Variants in UBA52 observed in about 807,000 individuals in gnomAD.
UBA52 encodes ubiquitin-ribosomal protein eL40 fusion protein.
UBA52 carries 1 observed loss-of-function variant against 15.3 expected under a neutral mutation model. The ratio of observed to expected loss-of-function variants is 0.07; its 90% CI spans 0.02 to 0.31. UBA52 has a LOEUF of 0.31. UBA52 is among the 10% of genes least tolerant of loss of function. The pLI is 1.00. For missense variants in UBA52, 87 were observed against 168.0 expected (o/e 0.52, Z 2.66); for synonymous variants, 50 against 58.3 (o/e 0.86, Z 0.65).
At chr19:18,571,639 G>A (rs1275199839), upstream of UBA52, 1 of 152,318 alleles carries the variant, frequency 6.6e-6, no homozygotes, top group African/African-American at 2.4e-5. Flanking sequence ...CGCAAACACG[G>A]GGAGAGGTGC....
chr19:18,573,614 C>T (rs1445516845), intron 2 of UBA52, 48 bp from the exon 3 acceptor site: 1 of 1,590,420 alleles, frequency 6.3e-7, no homozygotes, highest in African/African-American at 1.3e-5. Context: ...AGGACACTGC[C>T]AGTAATATGG....
upstream of UBA52, among the ~76,000 whole-genome samples, chr19:18,571,283 C>A (rs112747525): frequency 2.9e-5 from 4 of 139,686 alleles, no homozygotes; most frequent in African/African-American, 1.1e-4. Flanking sequence ...GCACTACAGC[C>A]TGGGCAACGA....
chr19:18,563,849 G>A, the UBA52 span, among the ~76,000 whole-genome samples: 9 of 151,392 alleles, frequency 5.9e-5, no homozygotes, highest in African/African-American at 2.2e-4. Context: ...ATGTTGGCCA[G>A]ACCTCAAGTG....
At chr19:18,568,675 A>G (rs762854247), upstream of UBA52, 6 of 1,473,900 alleles carry the variant, frequency 4.1e-6, no homozygotes, top group Non-Finnish European at 5.6e-6. Flanking sequence ...GCAGCAGCAT[A>G]CAAGGTGGCA....
rs1269358816 is a variant in UBA52 at position 18,575,522 on chromosome 19, G to C, written c.*372G>C. ...GAGGTGTCCCTCAGGCCTTGGCCCT[G>C]AAGTGTCTAGGTGTGTGGAGATGGG... On this transcript the variant is annotated 3_prime_UTR_variant, in exon 5 of 5. Coordinates refer to ENST00000442744, the MANE Select transcript of UBA52 (RefSeq NM_001033930.3). The C allele has an allele frequency of 3.1e-6, 1 of 325,202 alleles. No homozygotes were observed. The highest frequency in any genetic ancestry group is 4.5e-5 in the Admixed American group (1 of 22,032). 20.1% of individuals were successfully genotyped at this position (325,202 alleles called of 1,614,324 possible). A position where few individuals can be genotyped will look rare whatever the true frequency, so the allele number is the denominator to read the frequency against.
At chr19:18,565,163 A>G in the UBA52 span, 2 of 1,444,424 alleles carry the variant, frequency 1.4e-6, no homozygotes, top group Admixed American at 2.7e-5. Context: ...TGTCTGGGAC[A>G]ATTCCAACCC....
Position 18,575,245 on chromosome 19 carries a change from G to T in UBA52, c.*95G>T. On this transcript the variant is annotated 3_prime_UTR_variant, in exon 5 of 5. Transcript: ENST00000442744. ...CTTTCATTGACTGGAGCAGCAATTG[G>T]TGTCCTCATGGCTGATCTGTCCAGG... is the stretch of plus-strand genomic sequence containing the variant. The T allele has an allele frequency of 2.1e-6, 3 of 1,449,936 alleles. No individual in the cohort carries two copies. The highest frequency in any genetic ancestry group is 2.4e-5 in the South Asian group (2 of 84,094). 89.8% of individuals were successfully genotyped at this position (1,449,936 alleles called of 1,614,324 possible). A position where few individuals can be genotyped will look rare whatever the true frequency, so the allele number is the denominator to read the frequency against.
rs1975757081 is a variant in UBA52, at chr19:18,575,780, T to A, written c.*630T>A. On this transcript the variant is annotated 3_prime_UTR_variant, in exon 5 of 5. Transcript: ENST00000442744. ...TGTTTGTTTTGAGACGGAGTCTTGCTCTGTCGCCCAGGCTGGAGTGCAGTG... is the reference window on the plus strand; with the variant it reads ...TGTTTGTTTTGAGACGGAGTCTTGCACTGTCGCCCAGGCTGGAGTGCAGTG... The A allele has an allele frequency of 6.4e-6, 1 of 156,224 alleles. No homozygotes were observed. Among genetic ancestry groups the A allele is most frequent in the Admixed American group, 6.4e-5 (1 of 15,642 alleles). The allele number at this position is 156,224 out of a possible 1,614,324, so 9.7% of individuals were successfully genotyped here.
chr19:18,568,868 G>A, upstream of UBA52: 1 of 543,518 alleles, frequency 1.8e-6, no homozygotes, highest in Non-Finnish European at 3.3e-6. Context: ...CCATGCCAGG[G>A]CACGCCCATT....
chr19:18,564,289 G>A, the UBA52 span, among the ~76,000 whole-genome samples: 3 of 152,128 alleles, frequency 2.0e-5, no homozygotes, highest in Non-Finnish European at 4.4e-5. Flanking sequence ...TGGTGTCAGG[G>A]CTGGGCCAGA....
Position 18,574,923 on chromosome 19 carries a change from C to T in UBA52, c.244C>T (p.Leu82Phe). The change falls in exon 4 of 5, where the codon CTC becomes TTC. Residue 82 changes from leucine (L) to phenylalanine (F), a missense_variant. Coordinates refer to ENST00000442744, the MANE Select transcript of UBA52 (RefSeq NM_001033930.3). ...RLRGGIIEPSLRQLAQKYNCD... is the reference protein window; with the variant it reads ...RLRGGIIEPSFRQLAQKYNCD... ...GCGAGGTGGCATTATTGAGCCTTCT[C>T]TCCGCCAGCTTGCCCAGAAATACAA... The T allele has an allele frequency of 1.9e-6, 3 of 1,614,178 alleles. No homozygotes were observed. Among genetic ancestry groups the T allele is most frequent in the Non-Finnish European group, 2.5e-6 (3 of 1,180,042 alleles).
upstream of UBA52, among the ~76,000 whole-genome samples, chr19:18,567,669 C>T (rs1000954637): frequency 7.9e-5 from 12 of 152,280 alleles, no homozygotes; most frequent in African/African-American, 2.9e-4. Context: ...AGAGAGCTCG[C>T]GTGTTCTCTG....
At chr19:18,564,931 G>T in the UBA52 span, 1 of 1,613,544 alleles carries the variant, frequency 6.2e-7, no homozygotes, top group Non-Finnish European at 8.5e-7. Context: ...TCCAGTGCCC[G>T]CCTGCAGCAG....
chr19:18,569,277 G>A (rs1393140664), upstream of UBA52: 1 of 152,748 alleles, frequency 6.5e-6, no homozygotes, highest in African/African-American at 2.4e-5. Flanking sequence ...AGCAAACGGA[G>A]CCACCTCGGG....
chr19:18,568,389 C>A (rs986020428), upstream of UBA52: 1 of 1,604,716 alleles, frequency 6.2e-7, no homozygotes, highest in Non-Finnish European at 8.5e-7. Flanking sequence ...ACTCTTGGGC[C>A]TCCTTCCCCC....
In UBA52 at chr19:18,573,408, G is replaced by C. The variant is rs1975606777; in HGVS notation, c.103+5G>C. On this transcript the variant is annotated splice_donor_5th_base_variant and intron_variant, in intron 2 of 4. Coordinates refer to ENST00000442744, the MANE Select transcript of UBA52 (RefSeq NM_001033930.3). ...CCAAAATTCAAGACAAGGAGGGTGA[G>C]TAGGGCTGGGTGTGGGGGCTCTGGC... The C allele has an allele frequency of 6.2e-7, 1 of 1,611,966 alleles. No individual in the cohort carries two copies. Among genetic ancestry groups the C allele is most frequent in the Admixed American group, 1.7e-5 (1 of 59,848 alleles).
chr19:18,567,527 C>A (rs1975310544), upstream of UBA52, among the ~76,000 whole-genome samples: 1 of 152,224 alleles, frequency 6.6e-6, no homozygotes, highest in Admixed American at 6.5e-5. Context: ...TGAGCCCCAG[C>A]TTCGAGGATC....
upstream of UBA52, among the ~76,000 whole-genome samples, chr19:18,570,972 C>T (rs563221974): frequency 1.3e-5 from 2 of 151,398 alleles, no homozygotes; most frequent in South Asian, 4.2e-4. Context: ...GTCACCGGAC[C>T]CAGGTCCCGC....
In UBA52 at chr19:18,575,971, C is replaced by T. The variant is rs41293587; in HGVS notation, c.*821C>T. On this transcript the variant is annotated 3_prime_UTR_variant, in exon 5 of 5. Transcript: ENST00000442744. ...CTGGGTTAGCCAGGTTGGTCTCGAT[C>T]TCCTGACCTTGTGATCCATTCGCCT... The T allele has an allele frequency of 1.3e-5, 2 of 152,396 alleles. No individual in the cohort carries two copies. Among genetic ancestry groups the T allele is most frequent in the Admixed American group, 6.5e-5 (1 of 15,290 alleles). The allele number at this position is 152,396 out of a possible 1,614,324, so 9.4% of individuals were successfully genotyped here. A position where few individuals can be genotyped will look rare whatever the true frequency, so the allele number is the denominator to read the frequency against.
Sources: gnomAD v4.1 joint callset for allele counts (sites outside exome capture counted in the v4.1 genomes callset) on GRCh38, gnomAD v4.1.1 for gene constraint, MANE v1.5 for transcripts, NCBI Gene and HGNC (gene_info 2026-07-23, HGNC 2026-07-21) for gene names.